Variants in P3H2 observed in about 807,000 individuals in gnomAD.
The protein encoded by P3H2 is prolyl 3-hydroxylase 2, also known as leprecan-like 1.
P3H2 carries 80 observed loss-of-function variants against 87.0 expected under a neutral mutation model. The observed-to-expected ratio is 0.92, with a 90% CI of 0.77 to 1.11. The LOEUF is 1.11. Ranked by LOEUF, P3H2 falls within the 50% of genes least tolerant of loss-of-function variation. The pLI is 0.00. For synonymous variants in P3H2, 367 were observed against 359.3 expected (o/e 1.02, Z -0.24); for missense variants, 1,001 against 923.9 (o/e 1.08, Z -1.08).
intron 13 of P3H2, among the ~76,000 whole-genome samples, chr3:189,967,497 C>G (rs1723038658): frequency 6.7e-6 from 1 of 148,988 alleles, no homozygotes; most frequent in Non-Finnish European, 1.5e-5. Context: ...AACCACCTGT[C>G]TGACTTTCTT....
intron 1 of P3H2, among the ~76,000 whole-genome samples, chr3:190,048,154 T>A (rs2108959138): frequency 6.6e-6 from 1 of 152,256 alleles, no homozygotes; most frequent in South Asian, 2.1e-4. Context: ...TTTAAAAAAA[T>A]TACAATGATT....
chr3:190,084,528 A>G (rs1221091744), intron 1 of P3H2, among the ~76,000 whole-genome samples: 1 of 152,220 alleles, frequency 6.6e-6, no homozygotes, highest in Non-Finnish European at 1.5e-5. Context: ...GATATTGTAA[A>G]AGCTGTGATG....
chr3:189,995,398 G>GA lies in P3H2; in HGVS notation c.524dup (p.Val176ArgfsTer3). 2 of 1,613,776 alleles carry GA rather than the reference G, an allele frequency of 1.2e-6. No homozygotes were observed. The highest frequency in any genetic ancestry group is 1.7e-6 in the Non-Finnish European group (2 of 1,179,970). ...TTTCCATGTGCTCAGGGTTAGCCAC[G>GA]AAAAATGTGTGAGCTGCTTCCACTG... On this transcript the variant is annotated frameshift_variant, in exon 2 of 15. Coordinates refer to ENST00000319332, the MANE Select transcript of P3H2 (RefSeq NM_018192.4). LOFTEE classifies it high-confidence loss of function.
chr3:190,046,289 G>GA (rs996491123), intron 1 of P3H2, among the ~76,000 whole-genome samples: 14 of 152,106 alleles, frequency 9.2e-5, no homozygotes, highest in African/African-American at 3.4e-4. Context: ...ACTTACACAA[G>GA]ATATCACACT....
chr3:190,117,844 A>G (rs1480012391), intron 1 of P3H2, among the ~76,000 whole-genome samples: 1 of 152,128 alleles, frequency 6.6e-6, no homozygotes, highest in African/African-American at 2.4e-5. Context: ...AAAGGATAAA[A>G]TATTTTCTTC....
At chr3:189,959,262 T>A (rs7653161) in intron 14 of P3H2, among the ~76,000 whole-genome samples, 11 of 151,372 alleles carry the variant, frequency 7.3e-5, no homozygotes, top group South Asian at 2.1e-4. Flanking sequence ...TTATTTATTT[T>A]TTATTATTAT....
At chr3:190,016,542 C>T (rs756712918) in intron 1 of P3H2, among the ~76,000 whole-genome samples, 22 of 152,282 alleles carry the variant, frequency 1.4e-4, no homozygotes, top group Admixed American at 3.3e-4. Context: ...CTGCACCCGG[C>T]CTGCTTATTT....
intron 7 of P3H2, among the ~76,000 whole-genome samples, 167 bp downstream of exon 7, chr3:189,984,383 C>T (rs1295887170): frequency 6.6e-6 from 1 of 151,932 alleles, no homozygotes; most frequent in African/African-American, 2.4e-5. Context: ...GTTACAAAAA[C>T]GTGGCAGGAA....
Position 190,120,790 on chromosome 3 carries a change from G to A in P3H2, c.-59C>T. On this transcript the variant is annotated 5_prime_UTR_variant, in exon 1 of 15. The change creates a new upstream start codon in the 5' untranslated region. Coordinates refer to ENST00000319332, the MANE Select transcript of P3H2 (RefSeq NM_018192.4). ...TCGAGAGGGCTTCGGGGCACCTCGC[G>A]TCCGGGTCCCCTCTCCCACCTTCCC... 1 of 1,497,448 alleles carries A rather than the reference G, an allele frequency of 6.7e-7. No homozygotes were observed. The highest frequency in any genetic ancestry group is 8.9e-7 in the Non-Finnish European group (1 of 1,128,640). The allele number at this position is 1,497,448 out of a possible 1,614,324, so 92.8% of individuals were successfully genotyped here.
intron 1 of P3H2, among the ~76,000 whole-genome samples, chr3:190,066,494 T>C (rs1034566720): frequency 2.0e-5 from 3 of 151,966 alleles, no homozygotes; most frequent in Non-Finnish European, 2.9e-5. Context: ...GGGGTAAGGA[T>C]GGGAAGTAGG....
intron 1 of P3H2, among the ~76,000 whole-genome samples, chr3:190,105,053 G>A: frequency 6.6e-6 from 1 of 152,152 alleles, no homozygotes; most frequent in South Asian, 2.1e-4. Flanking sequence ...CTTTCTGTGA[G>A]TACAAGAGAA....
chr3:190,092,505 G>C (rs1057415292), intron 1 of P3H2, among the ~76,000 whole-genome samples: 3 of 152,190 alleles, frequency 2.0e-5, no homozygotes, highest in Non-Finnish European at 4.4e-5. Flanking sequence ...GCTACATCTT[G>C]CTTACATGGC....
chr3:189,983,001 T>G lies in P3H2; in HGVS notation c.1324+45A>C, dbSNP rs1403619794. 3 of 1,429,910 alleles carry G rather than the reference T, an allele frequency of 2.1e-6. No individual in the cohort carries two copies. The South Asian group carries it at 3.4e-5, about 16-fold the overall frequency. 88.6% of individuals were successfully genotyped at this position (1,429,910 alleles called of 1,614,324 possible). A position where few individuals can be genotyped will look rare whatever the true frequency, so the allele number is the denominator to read the frequency against. On this transcript the variant is annotated intron_variant, in intron 8 of 14. Coordinates refer to ENST00000319332, the MANE Select transcript of P3H2 (RefSeq NM_018192.4). Reference sequence around the variant, plus strand: ...GGAAAAGAACTGGTCAAGCCCCATCTTCCCCTTCCCCTCCTTTATAGGGTA... The same window carrying G: ...GGAAAAGAACTGGTCAAGCCCCATCGTCCCCTTCCCCTCCTTTATAGGGTA...
chr3:190,003,418 C>T (rs1724276404), intron 1 of P3H2, among the ~76,000 whole-genome samples: 1 of 149,920 alleles, frequency 6.7e-6, no homozygotes, highest in Non-Finnish European at 1.5e-5. Flanking sequence ...GTAAGGAAAA[C>T]ATTAAAGTGA....
At position 190,120,365 on chromosome 3, in the gene P3H2, A is replaced by G; in HGVS notation, c.367T>C (p.Cys123Arg). The G allele has an allele frequency of 6.4e-7, 1 of 1,562,862 alleles. No homozygotes were observed. Among genetic ancestry groups the G allele is most frequent in the Non-Finnish European group, 8.6e-7 (1 of 1,159,690 alleles). ...LLGRARCYRSCETQRLGGPAS... is the reference protein window; with the variant it reads ...LLGRARCYRSRETQRLGGPAS... ...GGGCCCCCGAGGCGCTGGGTCTCAC[A>G]GCTGCGATAACAGCGCGCCCGCCCC... Residue 123 changes from cysteine (C) to arginine (R), a missense_variant, in exon 1 of 15, where the codon TGT becomes CGT. Cys to Arg is a radical substitution (Grantham distance 180, BLOSUM62 -3). Coordinates refer to ENST00000319332, the MANE Select transcript of P3H2 (RefSeq NM_018192.4).
At chr3:190,065,152 G>C (rs566418991) in intron 1 of P3H2, among the ~76,000 whole-genome samples, 2 of 152,282 alleles carry the variant, frequency 1.3e-5, no homozygotes, top group South Asian at 4.2e-4. Flanking sequence ...ATTCCATCTG[G>C]TTGTTCACTA....
At chr3:190,066,158 T>TATATATATATATATATATATACACACAC (rs1256956930) in intron 1 of P3H2, among the ~76,000 whole-genome samples, 13 of 134,592 alleles carry the variant, frequency 9.7e-5, no homozygotes, top group Middle Eastern at 3.6e-3. Flanking sequence ...TATATATATA[T>TATATATATATATATATATATACACACAC]ACACACACAC....
chr3:189,994,359 AG>A, intron 2 of P3H2, 76 bp from the exon 3 acceptor site: 1 of 1,294,516 alleles, frequency 7.7e-7, no homozygotes, highest in Non-Finnish European at 1.1e-6. Flanking sequence ...TTCAAAGAGA[AG>A]GGTTTTTGTT....
At chr3:189,977,758 G>A (rs1229829873) in intron 8 of P3H2, among the ~76,000 whole-genome samples, 4 of 151,234 alleles carry the variant, frequency 2.6e-5, no homozygotes, top group African/African-American at 9.8e-5. Flanking sequence ...GCACCACCAT[G>A]CCTAGTTTAT....
Sources: gnomAD v4.1 joint callset for allele counts (sites outside exome capture counted in the v4.1 genomes callset) on GRCh38, gnomAD v4.1.1 for gene constraint, MANE v1.5 for transcripts, NCBI Gene and HGNC (gene_info 2026-07-23, HGNC 2026-07-21) for gene names.